CHST13: variants seen among roughly 807,000 people sequenced by gnomAD.
The protein encoded by CHST13 is C4ST-3.
In CHST13, 1 loss-of-function variant was observed where a neutral mutation model predicts 7.0. The observed-to-expected ratio is 0.14, with a 90% CI of 0.05 to 0.68. CHST13 has a LOEUF of 0.68. CHST13 is among the 30% of genes least tolerant of loss of function. The probability of loss-of-function intolerance (pLI) is 0.82; values close to 1 mark genes in which losing one functional copy is unlikely to be tolerated. For missense variants in CHST13, 572 were observed against 507.9 expected (o/e 1.13, Z -1.21); for synonymous variants, 257 against 240.9 (o/e 1.07, Z -0.62).
rs760672796 is a variant in CHST13 at position 126,542,098 on chromosome 3, G to A, written c.546G>A (p.Ser182=). 15 of 1,582,604 alleles carry A rather than the reference G, an allele frequency of 9.5e-6. No individual in the cohort carries two copies. The African/African-American group carries it at 1.9e-4, about 20-fold the overall frequency. The change falls in exon 3 of 3, where the codon TCG becomes TCA. Residue 182 remains serine (S), a synonymous_variant. Transcript: ENST00000319340. ...GGGAGCCCTTCGAGCGCCTGGCATC[G>A]GCTTACCGCAACAAGCTCGCGCGCC... ...FVREPFERLA[S]AYRNKLARPY...
chr3:126,535,555 G>A (rs1315113615), intron 1 of CHST13, among the ~76,000 whole-genome samples: 1 of 151,770 alleles, frequency 6.6e-6, no homozygotes, highest in African/African-American at 2.4e-5. Flanking sequence ...GTCCTCAGCC[G>A]GGAGACAGAC....
Position 126,542,260 on chromosome 3 carries a change from C to T in CHST13, c.708C>T (p.Arg236=). ...AEFLAYLLDP[R]TRREEPFNEH... ...TCCTGGCCTACCTGCTGGACCCGCG[C>T]ACGCGGCGTGAGGAGCCCTTCAACG... Residue 236 remains arginine, a synonymous_variant, in exon 3 of 3, where the codon CGC becomes CGT. Transcript: ENST00000319340. The T allele has an allele frequency of 1.9e-6, 3 of 1,551,694 alleles. No homozygotes were observed. Among genetic ancestry groups the T allele is most frequent in the Non-Finnish European group, 2.6e-6 (3 of 1,155,556 alleles).
intron 2 of CHST13, among the ~76,000 whole-genome samples, chr3:126,539,868 CACACACACACACAAACACACACCACACA>C (rs1936908991): frequency 2.3e-3 from 1 of 432 alleles, no homozygotes; most frequent in African/African-American, 0.012. Flanking sequence ...CACCCCACAC[CACACACACACACAAACACACACCACACA>C]TACACCATAC....
chr3:126,525,988 C>T (rs1936529715), intron 1 of CHST13, among the ~76,000 whole-genome samples: 1 of 152,176 alleles, frequency 6.6e-6, no homozygotes, highest in South Asian at 2.1e-4. Context: ...CCTTCCCAGC[C>T]TCTGCGCAGG....
intron 2 of CHST13, among the ~76,000 whole-genome samples, chr3:126,539,862 C>CATACACATACAA (rs1560142703): frequency 0.02 from 10 of 498 alleles, no homozygotes; most frequent in Admixed American, 0.065. Flanking sequence ...CACACACACC[C>CATACACATACAA]CACACCACAC....
chr3:126,524,190 G>A lies in CHST13; in HGVS notation c.-143G>A. 1 of 512,354 alleles carries A rather than the reference G, an allele frequency of 2.0e-6. No individual in the cohort carries two copies. Among genetic ancestry groups the A allele is most frequent in the Non-Finnish European group, 2.9e-6 (1 of 344,094 alleles). The allele number at this position is 512,354 out of a possible 1,614,324, so 31.7% of individuals were successfully genotyped here. The stretch of plus-strand genomic sequence containing the variant: ...GACTCGCAGGGGCTGGTGGGGCTGG[G>A]GTCCAGCTGCCGTGCTCCCCTGCCC... On this transcript the variant is annotated 5_prime_UTR_variant, in exon 1 of 3. Transcript: ENST00000319340.
chr3:126,541,531 C>T (rs1225295946), intron 2 of CHST13, among the ~76,000 whole-genome samples: 1 of 152,192 alleles, frequency 6.6e-6, no homozygotes, highest in Non-Finnish European at 1.5e-5. Flanking sequence ...AGTCAGAATC[C>T]GTTTCTCCCA....
intron 2 of CHST13, among the ~76,000 whole-genome samples, chr3:126,539,573 A>T (rs1217770361): frequency 1.5e-5 from 2 of 130,742 alleles, no homozygotes; most frequent in African/African-American, 5.9e-5. Context: ...ACACACACAC[A>T]TATGTACCCC....
At chr3:126,528,555 A>AG (rs1257572834) in intron 1 of CHST13, among the ~76,000 whole-genome samples, 1 of 152,054 alleles carries the variant, frequency 6.6e-6, no homozygotes. Flanking sequence ...AATAGGAGAT[A>AG]GGTGAGGTGT....
intron 2 of CHST13, among the ~76,000 whole-genome samples, chr3:126,536,896 A>AACACACAC (rs10670471): frequency 0.012 from 1,664 of 140,458 alleles, 17 homozygotes; most frequent in African/African-American, 0.032. Flanking sequence ...CACACACACA[A>AACACACAC]ACACACACAC....
chr3:126,540,933 C>A (rs73195826), intron 2 of CHST13, among the ~76,000 whole-genome samples: 99 of 152,292 alleles, frequency 6.5e-4, no homozygotes, highest in Non-Finnish European at 1.2e-3. Context: ...AAAACACTTT[C>A]TTTTATGAAC....
chr3:126,532,968 G>A (rs1026381040), intron 1 of CHST13, among the ~76,000 whole-genome samples: 1 of 152,082 alleles, frequency 6.6e-6, no homozygotes, highest in African/African-American at 2.4e-5. Flanking sequence ...TCAGTGGACA[G>A]GTCTTATACT....
At chr3:126,529,757 C>G (rs1370773282) in intron 1 of CHST13, among the ~76,000 whole-genome samples, 3 of 152,198 alleles carry the variant, frequency 2.0e-5, no homozygotes, top group African/African-American at 7.2e-5. Context: ...CATCCCTCCT[C>G]CCCTCCCATC....
At chr3:126,536,040 G>A (rs1407137904) in intron 1 of CHST13, among the ~76,000 whole-genome samples, 3 of 152,174 alleles carry the variant, frequency 2.0e-5, no homozygotes, top group Non-Finnish European at 4.4e-5. Flanking sequence ...CAACTTTGGA[G>A]GGTAGGACAT....
intron 1 of CHST13, among the ~76,000 whole-genome samples, chr3:126,529,533 C>T (rs1423935224): frequency 2.5e-4 from 38 of 152,132 alleles, no homozygotes; most frequent in Admixed American, 2.5e-3. Flanking sequence ...AGTTTCTTTG[C>T]CTCAGTTTCC....
Position 126,542,874 on chromosome 3 carries a change from G to T in CHST13, c.*296G>T, listed in dbSNP as rs867732972. 1 of 295,660 alleles carries T rather than the reference G, an allele frequency of 3.4e-6. No individual in the cohort carries two copies. 18.3% of individuals were successfully genotyped at this position (295,660 alleles called of 1,614,324 possible). On this transcript the variant is annotated 3_prime_UTR_variant, in exon 3 of 3. Transcript: ENST00000319340. ...GATGGGCAAGGACTTGATAACCAGG[G>T]TTTTAGGCTTTTAAAGGCCATTTTG... is the stretch of plus-strand genomic sequence containing the variant.
chr3:126,524,877 GCC>G (rs1226368008), intron 1 of CHST13, among the ~76,000 whole-genome samples: 1 of 152,058 alleles, frequency 6.6e-6, no homozygotes, highest in Non-Finnish European at 1.5e-5. Context: ...TGCAGTGGGT[GCC>G]ACTCCCTGCT....
At chr3:126,527,595 T>C (rs935741586) in intron 1 of CHST13, 6 of 152,362 alleles carry the variant, frequency 3.9e-5, no homozygotes, top group African/African-American at 9.6e-5. Flanking sequence ...GAGGCTGTGA[T>C]TGGACAGGCC....
At chr3:126,537,044 C>A (rs1266440617) in intron 2 of CHST13, among the ~76,000 whole-genome samples, 3 of 152,152 alleles carry the variant, frequency 2.0e-5, no homozygotes, top group Admixed American at 2.0e-4. Flanking sequence ...CCTAGTGGAG[C>A]CACCAGTCCA....
Sources: allele counts gnomAD v4.1 joint callset (sites outside exome capture counted in the v4.1 genomes callset), GRCh38; gene constraint gnomAD v4.1.1; transcripts MANE v1.5; gene names NCBI Gene and HGNC (gene_info 2026-07-23, HGNC 2026-07-21).